Variants in AGBL1 observed in about 807,000 individuals in gnomAD.
The protein encoded by AGBL1 is cytosolic carboxypeptidase 4.
In AGBL1, 130 loss-of-function variants were observed where a neutral mutation model predicts 118.9. That is an observed-to-expected ratio of 1.09 (90% CI 0.95 to 1.26). The LOEUF is 1.26. Ranked by LOEUF, AGBL1 falls within the 50% of genes most tolerant of loss-of-function variation. The pLI is 0.00. For synonymous variants in AGBL1, 555 were observed against 478.9 expected, an observed-to-expected ratio of 1.16 and a Z score of -2.08; for missense variants, 1,584 against 1,298.1, an observed-to-expected ratio of 1.22 and a Z score of -3.38.
intron 22 of AGBL1, among the ~76,000 whole-genome samples, chr15:86,757,860 A>G (rs1429309018): frequency 6.6e-6 from 1 of 152,100 alleles, no homozygotes; most frequent in Admixed American, 6.6e-5. Context: ...AGAACAAGAA[A>G]ACCCAGATTC....
chr15:86,606,394 C>CA (rs2084578173), intron 21 of AGBL1, among the ~76,000 whole-genome samples: 1 of 152,076 alleles, frequency 6.6e-6, no homozygotes, highest in Non-Finnish European at 1.5e-5. Flanking sequence ...TCAGTAAAGA[C>CA]AGAGAGATGG....
At position 86,911,432 on chromosome 15, in the gene AGBL1, GC is replaced by G. The variant is rs1358423999; in HGVS notation, c.*4139del. 1 of 152,070 alleles carries G rather than the reference GC, an allele frequency of 6.6e-6. No individual in the cohort carries two copies. The highest frequency in any genetic ancestry group is 1.5e-5 in the Non-Finnish European group (1 of 68,036). 9.4% of individuals were successfully genotyped at this position (152,070 alleles called of 1,614,324 possible). On this transcript the variant is annotated 3_prime_UTR_variant, in exon 23 of 23. Transcript: ENST00000614907. ...TCGTAACACTTCCCTCTGGCAAGAGGCTTTGTGGCTTCACATTTCCTTCAGA... is the reference window on the plus strand; with the variant it reads ...TCGTAACACTTCCCTCTGGCAAGAGGTTTGTGGCTTCACATTTCCTTCAGA...
intron 24 of AGBL1, among the ~76,000 whole-genome samples, chr15:87,019,402 C>A (rs2081639871): frequency 7.0e-6 from 1 of 142,262 alleles, no homozygotes; most frequent in East Asian, 2.1e-4. Flanking sequence ...AATGTTATAA[C>A]TGAAGTTATA....
chr15:86,092,484 A>C (rs1324140789), intron 1 of AGBL1, among the ~76,000 whole-genome samples: 1 of 152,124 alleles, frequency 6.6e-6, no homozygotes, highest in Non-Finnish European at 1.5e-5. Context: ...AAAATATAAA[A>C]TTTTTATTCT....
At chr15:86,147,166 C>G (rs866205033) in intron 3 of AGBL1, among the ~76,000 whole-genome samples, 2 of 152,160 alleles carry the variant, frequency 1.3e-5, no homozygotes, top group East Asian at 1.9e-4. Context: ...CCAATAGGAA[C>G]AGCTCCGGTC....
intron 22 of AGBL1, among the ~76,000 whole-genome samples, chr15:86,792,369 C>G (rs753232782): frequency 4.6e-5 from 7 of 152,104 alleles, no homozygotes; most frequent in Non-Finnish European, 8.8e-5. Flanking sequence ...TCTGATATAA[C>G]CTGTTCATTG....
At chr15:86,817,398 A>G (rs568450457) in intron 22 of AGBL1, among the ~76,000 whole-genome samples, 20 of 151,864 alleles carry the variant, frequency 1.3e-4, no homozygotes, top group Non-Finnish European at 1.6e-4. Flanking sequence ...AGAAGATGAC[A>G]GCGATGTTGT....
At chr15:86,410,121 T>C (rs781120588) in intron 18 of AGBL1, among the ~76,000 whole-genome samples, 1 of 152,170 alleles carries the variant, frequency 6.6e-6, no homozygotes, top group Non-Finnish European at 1.5e-5. Context: ...ATGTGATACA[T>C]GGCTTCCTAA....
At chr15:86,147,382 C>T (rs1034479478) in intron 3 of AGBL1, among the ~76,000 whole-genome samples, 4 of 152,324 alleles carry the variant, frequency 2.6e-5, no homozygotes, top group Non-Finnish European at 2.9e-5. Context: ...TGACAGACTA[C>T]CTGGAAAAAT....
intron 18 of AGBL1, among the ~76,000 whole-genome samples, chr15:86,418,320 A>G (rs1443671560): frequency 1.3e-5 from 2 of 152,198 alleles, no homozygotes; most frequent in African/African-American, 4.8e-5. Flanking sequence ...CTTTCTTTAT[A>G]TAACTTGCAA....
At chr15:86,109,752 C>T (rs1597403403) in intron 1 of AGBL1, 3 of 152,326 alleles carry the variant, frequency 2.0e-5, no homozygotes, top group East Asian at 1.9e-4. Context: ...TTGCATGCCA[C>T]GTTTCTCCTC....
intron 7 of AGBL1, among the ~76,000 whole-genome samples, chr15:86,256,381 T>A (rs1597632749): frequency 6.6e-6 from 1 of 152,372 alleles, no homozygotes. Context: ...TTATCTTTTT[T>A]AAAAAATATT....
At chr15:86,684,549 G>T (rs959960040) in intron 22 of AGBL1, among the ~76,000 whole-genome samples, 2 of 151,188 alleles carry the variant, frequency 1.3e-5, no homozygotes, top group African/African-American at 4.9e-5. Flanking sequence ...TCAAACTCCT[G>T]GGCTCAAGCA....
chr15:86,680,163 T>A (rs1198801782), intron 22 of AGBL1, among the ~76,000 whole-genome samples: 2 of 152,208 alleles, frequency 1.3e-5, no homozygotes, highest in South Asian at 4.1e-4. Flanking sequence ...ATTTAAATTG[T>A]CTTATAATCA....
At chr15:86,927,152 TAAA>T (rs2080550190) in intron 23 of AGBL1, among the ~76,000 whole-genome samples, 2 of 151,060 alleles carry the variant, frequency 1.3e-5, no homozygotes, top group Middle Eastern at 3.4e-3. Context: ...AATAAATAAA[TAAA>T]TAAATAAATA....
At chr15:86,756,068 A>G (rs949142881) in intron 22 of AGBL1, among the ~76,000 whole-genome samples, 6 of 152,140 alleles carry the variant, frequency 3.9e-5, no homozygotes, top group East Asian at 1.9e-4. Context: ...AAATTCCCCA[A>G]GGGGCATGCA....
intron 5 of AGBL1, among the ~76,000 whole-genome samples, chr15:86,197,763 A>G (rs1031680862): frequency 3.3e-5 from 5 of 152,174 alleles, no homozygotes; most frequent in Non-Finnish European, 5.9e-5. Context: ...AGATAATGAG[A>G]TTATATGGGC....
At chr15:86,517,299 A>G (rs1193097105) in intron 18 of AGBL1, among the ~76,000 whole-genome samples, 1 of 152,216 alleles carries the variant, frequency 6.6e-6, no homozygotes, top group African/African-American at 2.4e-5. Flanking sequence ...TTTCACTTTA[A>G]TGTGCATACA....
At chr15:86,408,819 G>A (rs1247667429) in intron 18 of AGBL1, among the ~76,000 whole-genome samples, 3 of 152,020 alleles carry the variant, frequency 2.0e-5, no homozygotes, top group African/African-American at 7.3e-5. Context: ...TAAAAATGGG[G>A]AAAATTGTTA....
Sources: allele counts gnomAD v4.1 joint callset (sites outside exome capture counted in the v4.1 genomes callset), GRCh38; gene constraint gnomAD v4.1.1; transcripts MANE v1.5; gene names NCBI Gene and HGNC (gene_info 2026-07-23, HGNC 2026-07-21).